RPS17: variants seen among roughly 807,000 people sequenced by gnomAD.
RPS17 encodes the protein ribosomal protein S17, also known as small ribosomal subunit protein eS17.
For missense variants in RPS17, 68 were observed against 182.3 expected (o/e 0.37, Z 3.61); for synonymous variants, 75 against 65.6 (o/e 1.14, Z -0.70).
chr15:82,540,273 G>A, intron 1 of RPS17, 141 bp from the exon 2 acceptor site: 6 of 1,598,944 alleles, frequency 3.8e-6, no homozygotes, highest in South Asian at 1.1e-5. Flanking sequence ...GCCGGGCGCC[G>A]GGCTTAATGC....
intron 3 of RPS17, 167 bp downstream of exon 3, chr15:82,538,713 C>A: frequency 1.3e-6 from 1 of 753,560 alleles, no homozygotes; most frequent in Non-Finnish European, 2.4e-6. Flanking sequence ...TCCAGAAGAG[C>A]AGAATGGAGG....
At chr15:82,539,246 A>G (rs1015067117) in intron 2 of RPS17, 2 of 595,446 alleles carry the variant, frequency 3.4e-6, no homozygotes, top group African/African-American at 2.0e-5. Flanking sequence ...CCCGCCCCGC[A>G]GTTTCACGAC....
At chr15:82,539,286 C>A in intron 2 of RPS17, 1 of 560,010 alleles carries the variant, frequency 1.8e-6, no homozygotes. Flanking sequence ...CTTCCAATTT[C>A]AAATTCACAT....
chr15:82,540,040 C>T lies in RPS17; in HGVS notation c.96G>A (p.Lys32=), dbSNP rs2034319065. The change falls in exon 2 of 5, where the codon AAG becomes AAA. Residue 32 remains lysine (K), a synonymous_variant. Transcript: ENST00000647841. Reference sequence around the variant, plus strand: ...TAATGGCGATCTCCTCGCACACGCGCTTGTTCGTGTGGAAGTCGTTGCCCA... The same window carrying T: ...TAATGGCGATCTCCTCGCACACGCGTTTGTTCGTGTGGAAGTCGTTGCCCA... ...TRLGNDFHTN[K]RVCEEIAIIP... The T allele has an allele frequency of 6.2e-7, 1 of 1,612,664 alleles. No individual in the cohort carries two copies. The highest frequency in any genetic ancestry group is 1.3e-5 in the African/African-American group (1 of 75,018).
At chr15:82,539,640 G>T in intron 2 of RPS17, 1 of 426,214 alleles carries the variant, frequency 2.3e-6, no homozygotes, top group South Asian at 2.0e-5. Flanking sequence ...AGTGAGCCGA[G>T]ATGGCGCCAC....
chr15:82,537,553 C>T (rs1181351101), intron 4 of RPS17: 1 of 322,602 alleles, frequency 3.1e-6, no homozygotes, highest in Admixed American at 4.7e-5. Context: ...GCCAAGGGCC[C>T]AACTTATACC....
At chr15:82,537,123 C>T in intron 4 of RPS17, 1 of 603,278 alleles carries the variant, frequency 1.7e-6, no homozygotes. Context: ...CCCAATGTAC[C>T]ATGCCATTTG....
At chr15:82,538,030 C>CA in intron 4 of RPS17, 1 of 509,156 alleles carries the variant, frequency 2.0e-6, no homozygotes, top group South Asian at 1.5e-5. Context: ...ACAAAGGGGG[C>CA]AACGTAAGCC....
intron 4 of RPS17, 184 bp from the exon 5 acceptor site, chr15:82,537,065 C>G: frequency 1.4e-6 from 1 of 699,720 alleles, no homozygotes; most frequent in Non-Finnish European, 2.6e-6. Context: ...CTTCCTTCAA[C>G]ACACACCTGA....
chr15:82,540,307 C>T (rs2034327210), intron 1 of RPS17, 119 bp downstream of exon 1: 2 of 1,584,304 alleles, frequency 1.3e-6, no homozygotes, highest in Non-Finnish European at 1.7e-6. Context: ...CCGTTGCGCT[C>T]CAGCCTGACA....
At chr15:82,539,668 G>C in intron 2 of RPS17, 1 of 447,854 alleles carries the variant, frequency 2.2e-6, no homozygotes, top group Non-Finnish European at 4.1e-6. Context: ...TAGCCTGGGC[G>C]CCAGGGCAAG....
intron 1 of RPS17, 32 bp downstream of exon 1, chr15:82,540,394 G>C: frequency 6.3e-7 from 1 of 1,592,708 alleles, no homozygotes; most frequent in South Asian, 1.1e-5. Context: ...GGACGATTGT[G>C]GAGGATGGCG....
intron 3 of RPS17, chr15:82,538,583 C>T (rs1425802212): frequency 1.3e-5 from 9 of 682,210 alleles, no homozygotes; most frequent in African/African-American, 9.0e-5. Context: ...GTATTCAGAA[C>T]ACTTGAAGTC....
chr15:82,540,333 C>T (rs1305800409), intron 1 of RPS17, 93 bp downstream of exon 1: 13 of 1,580,400 alleles, frequency 8.2e-6, no homozygotes, highest in East Asian at 4.6e-5. Context: ...CTGCGCCTTC[C>T]CGGCCCAGGG....
At chr15:82,538,138 C>T (rs2034273872) in intron 4 of RPS17, 168 bp downstream of exon 4, 1 of 716,174 alleles carries the variant, frequency 1.4e-6, no homozygotes, top group African/African-American at 1.7e-5. Context: ...TAACTCAATG[C>T]ACACAACTTC....
At chr15:82,539,845 C>A (rs998279265) in intron 2 of RPS17, 136 bp downstream of exon 2, 5 of 1,432,948 alleles carry the variant, frequency 3.5e-6, no homozygotes, top group South Asian at 2.3e-5. Context: ...ACACGCAGAG[C>A]TCTAGCCCTT....
chr15:82,537,164 C>T (rs2034254717), intron 4 of RPS17: 1 of 521,668 alleles, frequency 1.9e-6, no homozygotes, highest in African/African-American at 1.9e-5. Flanking sequence ...TCCTATCAAT[C>T]ACTCTAAAAC....
Position 82,540,432 on chromosome 15 carries a change from G to A in RPS17, c.-4C>T, listed in dbSNP as rs1327081998. The A allele has an allele frequency of 1.9e-6, 3 of 1,595,528 alleles. No homozygotes were observed. Among genetic ancestry groups the A allele is most frequent in the East Asian group, 4.5e-5 (2 of 44,256 alleles). ...CTCGAGCCAAAACACCTACCATGTT[G>A]GCGGGTCCTTGGTAAAAGAGGAAAC... On this transcript the variant is annotated 5_prime_UTR_variant, in exon 1 of 5. Coordinates refer to ENST00000647841, the MANE Select transcript of RPS17 (RefSeq NM_001021.6).
At position 82,540,136 on chromosome 15, in the gene RPS17, C is replaced by T. The variant is rs1172567434; in HGVS notation, c.4-4G>A. 3 of 1,613,704 alleles carry T rather than the reference C, an allele frequency of 1.9e-6. No individual in the cohort carries two copies. Among genetic ancestry groups the T allele is most frequent in the Non-Finnish European group, 1.7e-6 (2 of 1,179,874 alleles). ...CGGTTTTGGTGCGAACGCGGCCCTG[C>T]GGGTGGAGAGGACAGGATCACTCAC... On this transcript the variant is annotated splice_region_variant and splice_polypyrimidine_tract_variant and intron_variant, in intron 1 of 4. Transcript: ENST00000647841.
Sources: gnomAD v4.1 joint callset for allele counts on GRCh38, gnomAD v4.1.1 for gene constraint, MANE v1.5 for transcripts, NCBI Gene and HGNC (gene_info 2026-07-23, HGNC 2026-07-21) for gene names.